ZNF618: variants seen among roughly 807,000 people sequenced by gnomAD.
ZNF618 encodes the protein zinc finger protein 618.
Under a neutral mutation model 103.0 loss-of-function variants are expected in ZNF618, and 34 were observed. The ratio of observed to expected loss-of-function variants is 0.33; its 90% CI spans 0.25 to 0.44. The LOEUF is 0.44. ZNF618 is among the 20% of genes least tolerant of loss of function. The pLI is 1.00. For synonymous variants in ZNF618, 551 were observed against 542.2 expected (o/e 1.02, Z -0.23); for missense variants, 1,059 against 1,295.4 (o/e 0.82, Z 2.80).
intron 1 of ZNF618, among the ~76,000 whole-genome samples, chr9:113,890,148 C>T (rs543407502): frequency 1.2e-4 from 19 of 152,262 alleles, no homozygotes; most frequent in Non-Finnish European, 1.9e-4. Context: ...AGAGTTAGTT[C>T]TCCACTTCCA....
chr9:114,034,411 C>T (rs561897679), intron 12 of ZNF618, among the ~76,000 whole-genome samples: 2 of 152,310 alleles, frequency 1.3e-5, no homozygotes, highest in South Asian at 4.1e-4. Context: ...TATTCACAAT[C>T]GGGAACGATA....
At chr9:114,004,287 C>A (rs1424360562) in intron 6 of ZNF618, among the ~76,000 whole-genome samples, 1 of 152,202 alleles carries the variant, frequency 6.6e-6, no homozygotes. Context: ...AGGACCCCAG[C>A]TGGGAGGAGG....
chr9:114,050,262 A>C lies in ZNF618; in HGVS notation c.*95A>C. 7.0e-7 allele frequency: 1 copy of C among 1,420,336 alleles called. No individual in the cohort carries two copies. The highest frequency in any genetic ancestry group is 9.4e-7 in the Non-Finnish European group (1 of 1,064,074). 88.0% of individuals were successfully genotyped at this position (1,420,336 alleles called of 1,614,324 possible). On this transcript the variant is annotated 3_prime_UTR_variant, in exon 15 of 15. Coordinates refer to ENST00000374126, the MANE Select transcript of ZNF618 (RefSeq NM_001318042.2). The stretch of plus-strand genomic sequence containing the variant: ...ACAAAGAAAAGGAATTTAAGTTCTA[A>C]ACACTGTGGACCTCATTATAAATGC...
chr9:114,049,759 C>T lies in ZNF618; in HGVS notation c.2457C>T (p.Pro819=), dbSNP rs1238599594. 2.5e-6 allele frequency: 4 copies of T among 1,613,976 alleles called. No individual in the cohort carries two copies. Among genetic ancestry groups the T allele is most frequent in the Non-Finnish European group, 2.5e-6 (3 of 1,179,910 alleles). The change falls in exon 15 of 15, where the codon CCC becomes CCT. Residue 819 remains proline (P), a synonymous_variant. Coordinates refer to ENST00000374126, the MANE Select transcript of ZNF618 (RefSeq NM_001318042.2). ...DPQQKLRPVP[P]YQHEEIIGKV... ...AGCAGAAGCTGCGGCCTGTGCCACC[C>T]TACCAGCACGAGGAGATCATCGGCA...
intron 1 of ZNF618, among the ~76,000 whole-genome samples, chr9:113,898,860 A>T (rs1830269655): frequency 6.6e-6 from 1 of 152,192 alleles, no homozygotes; most frequent in Non-Finnish European, 1.5e-5. Flanking sequence ...GGAAGTGCCC[A>T]GTGGTTTATG....
At chr9:113,909,693 C>T (rs1831327899) in intron 1 of ZNF618, among the ~76,000 whole-genome samples, 1 of 152,176 alleles carries the variant, frequency 6.6e-6, no homozygotes, top group South Asian at 2.1e-4. Context: ...ATTCCTTTCT[C>T]CCGAGTCCAG....
chr9:114,016,218 G>A, intron 9 of ZNF618: 1 of 1,560,174 alleles, frequency 6.4e-7, no homozygotes, highest in Non-Finnish European at 8.8e-7. Context: ...AGTGACCCCT[G>A]CTGCTAGTGG....
intron 10 of ZNF618, among the ~76,000 whole-genome samples, chr9:114,024,327 T>A (rs1465672586): frequency 6.6e-6 from 1 of 152,240 alleles, no homozygotes; most frequent in Non-Finnish European, 1.5e-5. Flanking sequence ...CATCTTTCCT[T>A]GTCATTTCTG....
At chr9:113,994,868 TC>T (rs1840413730) in intron 3 of ZNF618, among the ~76,000 whole-genome samples, 1 of 151,740 alleles carries the variant, frequency 6.6e-6, no homozygotes, top group Non-Finnish European at 1.5e-5. Flanking sequence ...TGAGTTGCCA[TC>T]TAACATTTTT....
chr9:114,049,912 C>G lies in ZNF618; in HGVS notation c.2610C>G (p.Gly870=), dbSNP rs1038384763. 4 of 1,613,872 alleles carry G rather than the reference C, an allele frequency of 2.5e-6. No homozygotes were observed. The highest frequency in any genetic ancestry group is 3.4e-6 in the Non-Finnish European group (4 of 1,179,886). The part of the protein sequence containing the change: ...NPAAQEDDRL[G]KNEVYDYLQE... ...CAGCTCAGGAAGATGATCGGCTAGG[C>G]AAAAATGAAGTGTACGATTACCTGC... is the stretch of plus-strand genomic sequence containing the variant. Residue 870 remains glycine, a synonymous_variant, in exon 15 of 15, where the codon GGC becomes GGG. Transcript: ENST00000374126.
intron 2 of ZNF618, among the ~76,000 whole-genome samples, chr9:113,970,621 C>T (rs1467704140): frequency 6.6e-6 from 1 of 151,944 alleles, no homozygotes; most frequent in African/African-American, 2.4e-5. Context: ...AACTGCTGTT[C>T]CCTGTGTCTG....
chr9:114,049,280 G>A lies in ZNF618; in HGVS notation c.1978G>A (p.Glu660Lys), dbSNP rs989551572. The A allele has an allele frequency of 6.8e-6, 11 of 1,612,152 alleles. No individual in the cohort carries two copies. Among genetic ancestry groups the A allele is most frequent in the Non-Finnish European group, 8.5e-6 (10 of 1,179,668 alleles). ...KRTLQARSMH[E>K]VIELLNVCED... ...GACACTGCAGGCCCGCAGCATGCAC[G>A]AGGTCATCGAGCTGCTCAACGTGTG... Residue 660 changes from glutamate to lysine, a missense_variant, in exon 15 of 15, where the codon GAG (glutamate) becomes AAG (lysine). By Grantham distance (56) the Glu-to-Lys change is moderately conservative (BLOSUM62 1). Transcript: ENST00000374126.
chr9:113,893,299 A>G (rs955440187), intron 1 of ZNF618, among the ~76,000 whole-genome samples: 2 of 152,188 alleles, frequency 1.3e-5, no homozygotes, highest in Non-Finnish European at 2.9e-5. Context: ...GGGACTATAT[A>G]AGTACCTTAT....
At chr9:113,986,169 C>T (rs1299442849) in intron 2 of ZNF618, among the ~76,000 whole-genome samples, 1 of 152,184 alleles carries the variant, frequency 6.6e-6, no homozygotes, top group Non-Finnish European at 1.5e-5. Context: ...TGAGTACTTT[C>T]CATGTGTTCG....
At chr9:113,904,615 C>A (rs1465460322) in intron 1 of ZNF618, among the ~76,000 whole-genome samples, 1 of 152,194 alleles carries the variant, frequency 6.6e-6, no homozygotes, top group South Asian at 2.1e-4. Flanking sequence ...TTGCCTAAAA[C>A]AACACAAATT....
chr9:114,009,576 T>C (rs1370416549), intron 9 of ZNF618, among the ~76,000 whole-genome samples: 6 of 152,258 alleles, frequency 3.9e-5, no homozygotes, highest in Middle Eastern at 3.4e-3. Flanking sequence ...TGTTCAGGAA[T>C]TGCCATACCT....
In ZNF618 at chr9:114,049,771, G is replaced by A. The variant is rs370564955; in HGVS notation, c.2469G>A (p.Glu823=). Reference sequence around the variant, plus strand: ...GGCCTGTGCCACCCTACCAGCACGAGGAGATCATCGGCAAGGTCTGTGAGC... The same window carrying A: ...GGCCTGTGCCACCCTACCAGCACGAAGAGATCATCGGCAAGGTCTGTGAGC... ...KLRPVPPYQH[E]EIIGKVCELI... The change falls in exon 15 of 15, where the codon GAG becomes GAA. Residue 823 remains glutamate, a synonymous_variant. Coordinates refer to ENST00000374126, the MANE Select transcript of ZNF618 (RefSeq NM_001318042.2). 4 of 1,614,002 alleles carry A rather than the reference G, an allele frequency of 2.5e-6. No homozygotes were observed.
chr9:114,042,842 T>C (rs528756859), intron 13 of ZNF618, among the ~76,000 whole-genome samples: 3 of 152,220 alleles, frequency 2.0e-5, no homozygotes, highest in Admixed American at 6.5e-5. Flanking sequence ...AATATAAAAA[T>C]AATATTACCA....
At chr9:114,020,619 T>TAA (rs147534575) in intron 10 of ZNF618, among the ~76,000 whole-genome samples, 2 of 151,994 alleles carry the variant, frequency 1.3e-5, no homozygotes, top group South Asian at 2.1e-4. Context: ...CTATTGCCTA[T>TAA]AAAAAAATCA....
Sources: allele counts gnomAD v4.1 joint callset (sites outside exome capture counted in the v4.1 genomes callset), GRCh38; gene constraint gnomAD v4.1.1; transcripts MANE v1.5; gene names NCBI Gene and HGNC (gene_info 2026-07-23, HGNC 2026-07-21).